Variants in PP2D1 observed in about 807,000 individuals in gnomAD.
PP2D1 encodes protein phosphatase 2C-like domain-containing protein 1.
A neutral mutation model predicts 30.2 loss-of-function variants in PP2D1; 25 were observed. The observed-to-expected ratio is 0.83, with a 90% CI of 0.60 to 1.16. The LOEUF (loss-of-function observed/expected upper bound fraction) is 1.16, where lower values mean the gene tolerates loss of function less well. Ranked by LOEUF, PP2D1 falls within the 50% of genes most tolerant of loss-of-function variation. The pLI, the probability that PP2D1 is intolerant of heterozygous loss-of-function variation, is 0.00. For synonymous variants in PP2D1, 260 were observed against 258.9 expected, an observed-to-expected ratio of 1.00 and a Z score of -0.04; for missense variants, 760 against 742.4, an observed-to-expected ratio of 1.02 and a Z score of -0.28.
At position 20,002,043 on chromosome 3, in the gene PP2D1, T is replaced by C; in HGVS notation, c.77A>G (p.Asp26Gly). The C allele has an allele frequency of 6.5e-7, 1 of 1,534,822 alleles. No homozygotes were observed. The highest frequency in any genetic ancestry group is 1.2e-5 in the South Asian group (1 of 84,058). The change falls in exon 2 of 3, where the codon GAT (aspartate) becomes GGT (glycine). Residue 26 changes from aspartate (D) to glycine (G), a missense_variant. This residue lies in a region of PP2D1 where 374 missense variants were observed against 388.8 expected (regional missense o/e 0.96). Transcript: ENST00000389050. Reference sequence around the variant, plus strand: ...TTTGGGTAAAAGTAGAATATCCTCATCTGAATCAAATGTTGATGTTTTCAT... The same window carrying C: ...TTTGGGTAAAAGTAGAATATCCTCACCTGAATCAAATGTTGATGTTTTCAT... ...WNMKTSTFDS[D>G]EDILLLPKRK...
At chr3:19,990,540 C>T (rs532227704) in intron 2 of PP2D1, among the ~76,000 whole-genome samples, 47 of 152,214 alleles carry the variant, frequency 3.1e-4, no homozygotes, top group African/African-American at 1.1e-3. Context: ...TGTATCTAAC[C>T]CAGGAAGCAG....
At chr3:19,981,233 C>T (rs1696920720), downstream of PP2D1, among the ~76,000 whole-genome samples, 2 of 152,144 alleles carry the variant, frequency 1.3e-5, no homozygotes, top group South Asian at 4.1e-4. Flanking sequence ...TTTTATAACT[C>T]GATGGGGTGA....
At chr3:20,008,158 CT>C (rs1697344533) in intron 1 of PP2D1, 1 of 155,380 alleles carries the variant, frequency 6.4e-6, no homozygotes, top group African/African-American at 2.4e-5. Flanking sequence ...GCGGCTGTTA[CT>C]GGCGGCAGCG....
chr3:19,994,931 G>A (rs1217336419), intron 2 of PP2D1, among the ~76,000 whole-genome samples: 1 of 152,222 alleles, frequency 6.6e-6, no homozygotes, highest in African/African-American at 2.4e-5. Flanking sequence ...GCATTGCTGA[G>A]GACTCATAGG....
chr3:19,986,266 T>G (rs1697033289), intron 2 of PP2D1, 84 bp from the exon 3 acceptor site: 13 of 1,030,206 alleles, frequency 1.3e-5, no homozygotes. Context: ...TTTAGTAAAT[T>G]CTGTGTTTCA....
In PP2D1 at chr3:20,001,424, G is replaced by C. The variant is rs1697250841; in HGVS notation, c.696C>G (p.Ser232=). 1.2e-5 allele frequency: 18 copies of C among 1,536,442 alleles called. No homozygotes were observed. Among genetic ancestry groups the C allele is most frequent in the Non-Finnish European group, 1.6e-5 (18 of 1,147,006 alleles). The change falls in exon 2 of 3, where the codon TCC becomes TCG. Residue 232 remains serine, a synonymous_variant. Transcript: ENST00000389050. The stretch of plus-strand genomic sequence containing the variant: ...TCATTTGGTAAGAAGGATCAAATTT[G>C]GAAAGCTGATGGAGAAGTAAAACTG... ...ELPVLLLHQL[S]KFDPSYQMTT...
At chr3:20,007,341 T>A (rs1697331671) in intron 1 of PP2D1, among the ~76,000 whole-genome samples, 1 of 152,184 alleles carries the variant, frequency 6.6e-6, no homozygotes, top group East Asian at 1.9e-4. Flanking sequence ...CCAAAGTTGG[T>A]TGAATTCACA....
chr3:19,991,998 A>C (rs1173131678), intron 2 of PP2D1, among the ~76,000 whole-genome samples: 1 of 152,190 alleles, frequency 6.6e-6, no homozygotes, highest in African/African-American at 2.4e-5. Flanking sequence ...TTAGGATTGC[A>C]TGTAAATAAG....
At chr3:19,983,257 A>G (rs1696965711), downstream of PP2D1, among the ~76,000 whole-genome samples, 1 of 148,810 alleles carries the variant, frequency 6.7e-6, no homozygotes, top group Non-Finnish European at 1.5e-5. Flanking sequence ...AATCACTTGA[A>G]CCCAGGAGGT....
At chr3:19,987,507 C>T (rs533166575) in intron 2 of PP2D1, among the ~76,000 whole-genome samples, 2 of 152,268 alleles carry the variant, frequency 1.3e-5, no homozygotes, top group South Asian at 4.1e-4. Context: ...GCCAAATTTA[C>T]ATAGAATATT....
chr3:19,986,326 T>A, intron 2 of PP2D1, 144 bp from the exon 3 acceptor site: 1 of 597,492 alleles, frequency 1.7e-6, no homozygotes, highest in East Asian at 2.9e-5. Context: ...ATATGTGTAA[T>A]ATATCACTAC....
intron 1 of PP2D1, among the ~76,000 whole-genome samples, chr3:20,009,243 C>CTT (rs1697357879): frequency 6.6e-6 from 1 of 152,140 alleles, no homozygotes; most frequent in Non-Finnish European, 1.5e-5. Flanking sequence ...AAGAGGGCTG[C>CTT]TTGAGGCCAG....
chr3:19,990,627 G>A (rs529660450), intron 2 of PP2D1, among the ~76,000 whole-genome samples: 6 of 152,304 alleles, frequency 3.9e-5, no homozygotes, highest in Middle Eastern at 3.4e-3. Flanking sequence ...GTTTCATTTT[G>A]TAACAATGAG....
At chr3:19,989,311 G>A (rs1013199142) in intron 2 of PP2D1, among the ~76,000 whole-genome samples, 125 of 152,138 alleles carry the variant, frequency 8.2e-4, no homozygotes, top group African/African-American at 2.9e-3. Flanking sequence ...CAGTCTGCGC[G>A]ACAGAGTGAG....
intron 1 of PP2D1, among the ~76,000 whole-genome samples, chr3:20,011,529 T>A (rs1697386230): frequency 6.6e-6 from 1 of 152,182 alleles, no homozygotes; most frequent in Non-Finnish European, 1.5e-5. Flanking sequence ...CCGGGCACAG[T>A]GGCTCATGCC....
At chr3:20,010,497 A>G (rs1464816342) in intron 1 of PP2D1, among the ~76,000 whole-genome samples, 1 of 152,076 alleles carries the variant, frequency 6.6e-6, no homozygotes, top group Non-Finnish European at 1.5e-5. Flanking sequence ...GTCTAATCCA[A>G]TCACTTCTTC....
chr3:20,002,772 T>C (rs916046295), intron 1 of PP2D1, among the ~76,000 whole-genome samples: 4 of 151,508 alleles, frequency 2.6e-5, no homozygotes, highest in Non-Finnish European at 5.9e-5. Context: ...ATACAAAAAC[T>C]AGTTCGGGCG....
intron 2 of PP2D1, among the ~76,000 whole-genome samples, chr3:19,999,652 G>A (rs1007550916): frequency 6.6e-6 from 1 of 151,864 alleles, no homozygotes; most frequent in Non-Finnish European, 1.5e-5. Flanking sequence ...GCCTCCCAAA[G>A]TGCTGGAATT....
Position 19,985,365 on chromosome 3 carries a change from T to A in PP2D1, c.*15A>T, listed in dbSNP as rs559460629. 6 of 1,501,918 alleles carry A rather than the reference T, an allele frequency of 4.0e-6. No homozygotes were observed. The highest frequency in any genetic ancestry group is 1.7e-4 in the Middle Eastern group (1 of 5,832). 93.0% of individuals were successfully genotyped at this position (1,501,918 alleles called of 1,614,324 possible). A position where few individuals can be genotyped will look rare whatever the true frequency, so the allele number is the denominator to read the frequency against. On this transcript the variant is annotated 3_prime_UTR_variant, in exon 3 of 3. Transcript: ENST00000389050. ...TTTATATTTTGGTGCTCTGGATAAT[T>A]GGAACTTTATTTTTTTATGTCAGAA... is the stretch of plus-strand genomic sequence containing the variant.
Sources: allele counts gnomAD v4.1 joint callset (sites outside exome capture counted in the v4.1 genomes callset), GRCh38; gene constraint gnomAD v4.1.1; regional missense constraint gnomAD v4.1.1; transcripts MANE v1.5; gene names NCBI Gene and HGNC (gene_info 2026-07-23, HGNC 2026-07-21).